Variants in CNBD1 observed in about 807,000 individuals in gnomAD.
CNBD1 encodes cyclic nucleotide-binding domain-containing protein 1.
CNBD1 carries 71 observed loss-of-function variants against 54.4 expected under a neutral mutation model. The observed-to-expected ratio is 1.30, with a 90% CI of 1.08 to 1.59. CNBD1 has a LOEUF of 1.59. CNBD1 is among the 40% of genes most tolerant of loss of function. The probability of loss-of-function intolerance (pLI) is 0.00; values close to 1 mark genes in which losing one functional copy is unlikely to be tolerated. For missense variants in CNBD1, 659 were observed against 518.0 expected, an observed-to-expected ratio of 1.27 and a Z score of -2.64; for synonymous variants, 182 against 170.7, an observed-to-expected ratio of 1.07 and a Z score of -0.51.
At chr8:86,869,005 A>T (rs1808403972) in intron 1 of CNBD1, among the ~76,000 whole-genome samples, 1 of 152,010 alleles carries the variant, frequency 6.6e-6, no homozygotes, top group Non-Finnish European at 1.5e-5. Context: ...TTGAAGATGG[A>T]GGGGGGACAA....
chr8:87,131,863 T>G (rs1350209754), intron 4 of CNBD1, among the ~76,000 whole-genome samples: 1 of 152,012 alleles, frequency 6.6e-6, no homozygotes, highest in Non-Finnish European at 1.5e-5. Flanking sequence ...TCACCTCTCT[T>G]CATTGAAAAA....
intron 4 of CNBD1, among the ~76,000 whole-genome samples, chr8:87,149,221 A>G (rs1812551015): frequency 6.6e-6 from 1 of 152,230 alleles, no homozygotes; most frequent in Admixed American, 6.5e-5. Flanking sequence ...CATTGAGTGT[A>G]CTGATTTCAT....
intron 3 of CNBD1, among the ~76,000 whole-genome samples, chr8:86,938,943 G>A (rs138173000): frequency 6.6e-6 from 1 of 152,278 alleles, no homozygotes; most frequent in East Asian, 1.9e-4. Context: ...TTATCAAGAT[G>A]TAATCCAGAT....
intron 4 of CNBD1, among the ~76,000 whole-genome samples, chr8:86,971,946 G>T (rs1240386422): frequency 6.6e-6 from 1 of 151,668 alleles, no homozygotes; most frequent in Non-Finnish European, 1.5e-5. Flanking sequence ...TTATCTTAAT[G>T]CATTAAATAG....
At chr8:87,179,587 A>G (rs1028570693) in intron 4 of CNBD1, among the ~76,000 whole-genome samples, 2 of 152,184 alleles carry the variant, frequency 1.3e-5, no homozygotes, top group Non-Finnish European at 2.9e-5. Context: ...AAATGTAAGG[A>G]TTGATCCAGG....
chr8:87,264,043 A>T (rs1808197258), intron 6 of CNBD1, among the ~76,000 whole-genome samples: 1 of 152,104 alleles, frequency 6.6e-6, no homozygotes, highest in Admixed American at 6.6e-5. Context: ...CATGTGCACA[A>T]CGTGCAGGTT....
At chr8:87,231,014 A>T (rs1814677884) in intron 5 of CNBD1, among the ~76,000 whole-genome samples, 1 of 152,194 alleles carries the variant, frequency 6.6e-6, no homozygotes, top group Non-Finnish European at 1.5e-5. Flanking sequence ...CATTCATGGC[A>T]GACGGCGAAA....
chr8:86,999,134 A>C (rs2130541787), intron 4 of CNBD1, among the ~76,000 whole-genome samples: 1 of 152,346 alleles, frequency 6.6e-6, no homozygotes, highest in African/African-American at 2.4e-5. Flanking sequence ...ACCGAAGGGC[A>C]GGGAAGGTTG....
At chr8:87,225,184 T>C (rs1245567965) in intron 5 of CNBD1, among the ~76,000 whole-genome samples, 2 of 149,764 alleles carry the variant, frequency 1.3e-5, no homozygotes, top group African/African-American at 5.0e-5. Flanking sequence ...TCATGTCATC[T>C]GCAAACAGGG....
At chr8:87,132,039 A>G (rs184028690) in intron 4 of CNBD1, among the ~76,000 whole-genome samples, 17 of 152,086 alleles carry the variant, frequency 1.1e-4, no homozygotes, top group African/African-American at 4.1e-4. Flanking sequence ...AAACATTGCT[A>G]CAGTTTCTTC....
At chr8:87,402,291 G>T (rs1807578540) in intron 2 of CNBD1, among the ~76,000 whole-genome samples, 3 of 151,930 alleles carry the variant, frequency 2.0e-5, no homozygotes, top group Admixed American at 2.0e-4. Context: ...AAGTCAAGAT[G>T]AGATTTGGGT....
In CNBD1 at chr8:86,877,666, T is replaced by A. The variant is rs138417638; in HGVS notation, c.89-9876T>A. ...CTAGAACATCTAATCTTTTTGTAAA[T>A]CATGTATCATGATTTCTCTTTGCCT... On this transcript the variant is annotated intron_variant, in intron 1 of 10. Coordinates refer to ENST00000518476, the MANE Select transcript of CNBD1 (RefSeq NM_173538.3). 2.6e-3 allele frequency among the ~76,000 whole-genome samples: 398 copies of A among 152,290 alleles called. 2 individuals carry two copies. The highest frequency in any genetic ancestry group is 9.1e-3 in the African/African-American group (377 of 41,570).
intron 10 of CNBD1, among the ~76,000 whole-genome samples, chr8:87,367,401 A>G (rs1032137450): frequency 6.6e-6 from 1 of 152,058 alleles, no homozygotes; most frequent in African/African-American, 2.4e-5. Context: ...GGTATTTCTC[A>G]TTACATCCCC....
At chr8:87,240,603 G>C (rs1807675856) in intron 6 of CNBD1, among the ~76,000 whole-genome samples, 18 of 152,084 alleles carry the variant, frequency 1.2e-4, no homozygotes, top group Admixed American at 1.2e-3. Context: ...ATAGAATCCA[G>C]CAGTGGGAAG....
chr8:87,315,427 C>G (rs75141062), intron 8 of CNBD1, among the ~76,000 whole-genome samples: 5,286 of 151,608 alleles, frequency 0.035, 298 homozygotes, highest in African/African-American at 0.12. Flanking sequence ...ATACAAGAAG[C>G]ATGGTGCAGG....
chr8:87,347,036 T>G (rs910489323), intron 8 of CNBD1, among the ~76,000 whole-genome samples: 1 of 152,184 alleles, frequency 6.6e-6, no homozygotes, highest in Admixed American at 6.5e-5. Flanking sequence ...CTTCACCCAC[T>G]GAGAGTATTG....
At chr8:87,375,067 A>C (rs1810897311) in intron 10 of CNBD1, among the ~76,000 whole-genome samples, 1 of 151,934 alleles carries the variant, frequency 6.6e-6, no homozygotes, top group Non-Finnish European at 1.5e-5. Flanking sequence ...TTCCACTCAA[A>C]AATAATTATA....
intron 8 of CNBD1, among the ~76,000 whole-genome samples, chr8:87,318,990 A>C (rs1037731808): frequency 6.6e-6 from 1 of 152,142 alleles, no homozygotes; most frequent in African/African-American, 2.4e-5. Context: ...TGGAGCAAGA[A>C]ATTTTTAAGC....
At chr8:87,343,688 T>G (rs1810113852) in intron 8 of CNBD1, among the ~76,000 whole-genome samples, 1 of 152,210 alleles carries the variant, frequency 6.6e-6, no homozygotes, top group African/African-American at 2.4e-5. Context: ...TCATTGCACA[T>G]TGAAAAGTGA....
Sources: gnomAD v4.1 joint callset for allele counts (sites outside exome capture counted in the v4.1 genomes callset) on GRCh38, gnomAD v4.1.1 for gene constraint, MANE v1.5 for transcripts, NCBI Gene and HGNC (gene_info 2026-07-23, HGNC 2026-07-21) for gene names.